The following ZNF37A variants were observed in gnomAD, a reference collection of about 807,000 sequenced individuals.
The protein encoded by ZNF37A is zinc finger protein 37a (KOX 21).
In ZNF37A, 10 loss-of-function variants were observed where a neutral mutation model predicts 12.3. That is an observed-to-expected ratio of 0.82 (90% CI 0.50 to 1.38). The LOEUF is 1.38. ZNF37A is among the 40% of genes most tolerant of loss of function. The probability of loss-of-function intolerance (pLI) is 0.00; values close to 1 mark genes in which losing one functional copy is unlikely to be tolerated. For synonymous variants in ZNF37A, 207 were observed against 223.0 expected, an observed-to-expected ratio of 0.93 and a Z score of 0.64; for missense variants, 580 against 651.2, an observed-to-expected ratio of 0.89 and a Z score of 1.19.
intron 7 of ZNF37A, chr10:38,143,708 G>T (rs1361598669): frequency 6.6e-6 from 1 of 152,236 alleles, no homozygotes; most frequent in Non-Finnish European, 1.5e-5. Flanking sequence ...CTCAGCCAGG[G>T]CTTTGACTTA....
exon 8 of ZNF37A, chr10:38,148,842 CT>C (rs11321196): frequency 0.46 from 67,436 of 146,686 alleles, 15,199 homozygotes; most frequent in East Asian, 0.54. Context: ...CTTTAATATT[CT>C]TTTTTTTTTT....
chr10:38,148,089 G>T (rs1021856355), exon 8 of ZNF37A: 1 of 152,232 alleles, frequency 6.6e-6, no homozygotes, highest in Non-Finnish European at 1.5e-5. Context: ...GATCTTGGAG[G>T]CATGGAATTG....
At chr10:38,097,816 A>C (rs2067271107) in intron 5 of ZNF37A, among the ~76,000 whole-genome samples, 1 of 152,092 alleles carries the variant, frequency 6.6e-6, no homozygotes, top group African/African-American at 2.4e-5. Context: ...TGAAATTCAC[A>C]ATTAAGCCAT....
chr10:38,094,542 G>C (rs1282934574), intron 1 of ZNF37A, 52 bp downstream of exon 1: 1 of 152,470 alleles, frequency 6.6e-6, no homozygotes, highest in East Asian at 1.9e-4. Flanking sequence ...CGCGCGGCCT[G>C]GGGGTGGGAG....
chr10:38,123,307 T>A lies in ZNF37A; in HGVS notation c.*4470T>A, dbSNP rs2069822054. 1 of 151,822 alleles carries A rather than the reference T, an allele frequency of 6.6e-6. No homozygotes were observed. The highest frequency in any genetic ancestry group is 2.1e-4 in the South Asian group (1 of 4,834). 9.4% of individuals were successfully genotyped at this position (151,822 alleles called of 1,614,324 possible). On this transcript the variant is annotated 3_prime_UTR_variant, in exon 8 of 8. Transcript: ENST00000685332. ...TACACCTACTTTGTACCCACAAAAA[T>A]TTAAAAATAAAGTTAATTTCAATGT... is the stretch of plus-strand genomic sequence containing the variant.
intron 5 of ZNF37A, among the ~76,000 whole-genome samples, chr10:38,099,305 C>A (rs1204438556): frequency 6.6e-6 from 1 of 152,174 alleles, no homozygotes; most frequent in East Asian, 1.9e-4. Context: ...TTGCCCCTGG[C>A]AACCACCATC....
In ZNF37A at chr10:38,119,065, T is replaced by C. The variant is rs2069530107; in HGVS notation, c.*228T>C. The C allele has an allele frequency of 8.2e-7, 1 of 1,217,080 alleles. No individual in the cohort carries two copies. The highest frequency in any genetic ancestry group is 4.0e-5 in the Admixed American group (1 of 24,994). The allele number at this position is 1,217,080 out of a possible 1,614,324, so 75.4% of individuals were successfully genotyped here. A position where few individuals can be genotyped will look rare whatever the true frequency, so the allele number is the denominator to read the frequency against. ...GAAAAAACTTATTGGTGAATGAATA[T>C]AGGAAACATTTTGCCCAATGCCACT... On this transcript the variant is annotated 3_prime_UTR_variant, in exon 8 of 8. Coordinates refer to ENST00000685332, the MANE Select transcript of ZNF37A (RefSeq NM_001324250.3).
At chr10:38,125,761 T>C (rs12244661), downstream of ZNF37A, among the ~76,000 whole-genome samples, 3,677 of 152,288 alleles carry the variant, frequency 0.024, 107 homozygotes, top group African/African-American at 0.075. Context: ...TAGACCATTC[T>C]TGCATTGCTA....
rs576577623 is a variant in ZNF37A at position 38,133,363 on chromosome 10, C to T, written c.239-13369C>T. 2.0e-5 allele frequency among the ~76,000 whole-genome samples: 3 copies of T among 152,206 alleles called. No individual in the cohort carries two copies. In the East Asian group the frequency reaches 5.8e-4, roughly 29 times the overall value. ...TAAGTTCTAGGGTACATGTGCACAACATGCAGGTTTGTTACATATGTATAC... is the reference window on the plus strand; with the variant it reads ...TAAGTTCTAGGGTACATGTGCACAATATGCAGGTTTGTTACATATGTATAC... On this transcript the variant is annotated intron_variant, in intron 7 of 7. Coordinates refer to the ZNF37A transcript ENST00000638053.
In ZNF37A at chr10:38,119,024, T is replaced by C. The variant is rs1198939665; in HGVS notation, c.*187T>C. The C allele has an allele frequency of 3.1e-6, 4 of 1,280,330 alleles. No homozygotes were observed. The highest frequency in any genetic ancestry group is 3.9e-6 in the Non-Finnish European group (4 of 1,015,018). The allele number at this position is 1,280,330 out of a possible 1,614,324, so 79.3% of individuals were successfully genotyped here. A position where few individuals can be genotyped will look rare whatever the true frequency, so the allele number is the denominator to read the frequency against. On this transcript the variant is annotated 3_prime_UTR_variant, in exon 8 of 8. Coordinates refer to ENST00000685332, the MANE Select transcript of ZNF37A (RefSeq NM_001324250.3). ...CTGGAATTTGGACCATACACTATGT[T>C]ACAAAACTAAAAGTGGAAAAAACTT...
At position 38,122,530 on chromosome 10, in the gene ZNF37A, C is replaced by T. The variant is rs1282916466; in HGVS notation, c.*3693C>T. On this transcript the variant is annotated 3_prime_UTR_variant, in exon 8 of 8. Transcript: ENST00000685332. ...TAGACAACCCAGAAACAAATTCATA[C>T]ATCTATGGTGACCACTTTTGACAAA... 6.6e-6 allele frequency: 1 copy of T among 152,170 alleles called. No individual in the cohort carries two copies. Among genetic ancestry groups the T allele is most frequent in the African/African-American group, 2.4e-5 (1 of 41,454 alleles). The allele number at this position is 152,170 out of a possible 1,614,324, so 9.4% of individuals were successfully genotyped here. A position where few individuals can be genotyped will look rare whatever the true frequency, so the allele number is the denominator to read the frequency against.
In ZNF37A at chr10:38,108,000, G is replaced by C. The variant is rs186500416; in HGVS notation, c.16-6755G>C. Among the ~76,000 whole-genome samples the C allele has an allele frequency of 3.2e-3, 488 of 152,236 alleles. 2 individuals are homozygous for C. The highest frequency in any genetic ancestry group is 5.6e-3 in the Non-Finnish European group (379 of 68,014). ...CTTTAACTCAGCTCTGGACCAAGCA[G>C]ACCTAATAGACATCTACAGAACTCT... On this transcript the variant is annotated intron_variant, in intron 5 of 7. Coordinates refer to ENST00000685332, the MANE Select transcript of ZNF37A (RefSeq NM_001324250.3).
rs943974338 is a variant in ZNF37A, at chr10:38,121,361, TA to T, written c.*2531del. The T allele has an allele frequency of 6.6e-6, 1 of 152,180 alleles. No homozygotes were observed. Among genetic ancestry groups the T allele is most frequent in the Non-Finnish European group, 1.5e-5 (1 of 68,026 alleles). 9.4% of individuals were successfully genotyped at this position (152,180 alleles called of 1,614,324 possible). On this transcript the variant is annotated 3_prime_UTR_variant, in exon 8 of 8. Coordinates refer to ENST00000685332, the MANE Select transcript of ZNF37A (RefSeq NM_001324250.3). The stretch of plus-strand genomic sequence containing the variant: ...AGGGCAATCAAAAGATTTATTATTT[TA>T]AAAAAATCAGTGTGGACTTCCATTC...
chr10:38,140,185 T>C (rs987406328), intron 7 of ZNF37A: 1 of 152,226 alleles, frequency 6.6e-6, no homozygotes, highest in Non-Finnish European at 1.5e-5. Context: ...TCTTTATTCT[T>C]TGCTTATTAA....
Position 38,117,377 on chromosome 10 carries a change from C to T in ZNF37A, c.239-13C>T, listed in dbSNP as rs780868484. On this transcript the variant is annotated splice_polypyrimidine_tract_variant and intron_variant, in intron 7 of 7. Coordinates refer to ENST00000685332, the MANE Select transcript of ZNF37A (RefSeq NM_001324250.3). ...CCTCGTCAACTAACCTTTCTTTTCACTCTGTATTTCAGAATTAATTAATAC... is the reference window on the plus strand; with the variant it reads ...CCTCGTCAACTAACCTTTCTTTTCATTCTGTATTTCAGAATTAATTAATAC... The T allele has an allele frequency of 5.2e-6, 8 of 1,541,204 alleles. No homozygotes were observed. The African/African-American group carries it at 1.1e-4, about 21-fold the overall frequency.
At chr10:38,098,094 C>T (rs1443695039) in intron 5 of ZNF37A, among the ~76,000 whole-genome samples, 1 of 152,168 alleles carries the variant, frequency 6.6e-6, no homozygotes, top group Non-Finnish European at 1.5e-5. Context: ...TCTGATCTCT[C>T]ACTTAGAATA....
exon 8 of ZNF37A, chr10:38,147,007 T>G (rs1328405428): frequency 5.6e-6 from 2 of 355,420 alleles, no homozygotes; most frequent in Non-Finnish European, 1.0e-5. Flanking sequence ...AACAAAGCAT[T>G]TTTAGCGAGG....
At chr10:38,100,475 C>G (rs2067476340) in intron 5 of ZNF37A, among the ~76,000 whole-genome samples, 1 of 152,178 alleles carries the variant, frequency 6.6e-6, no homozygotes, top group East Asian at 1.9e-4. Context: ...GGCCTATTCC[C>G]CCAGGCTTGT....
At chr10:38,134,968 C>A (rs1455667616) in intron 7 of ZNF37A, among the ~76,000 whole-genome samples, 1 of 152,136 alleles carries the variant, frequency 6.6e-6, no homozygotes, top group African/African-American at 2.4e-5. Flanking sequence ...ACTTTTGATT[C>A]TTATCTCACT....
Sources: allele counts gnomAD v4.1 joint callset (sites outside exome capture counted in the v4.1 genomes callset), GRCh38; gene constraint gnomAD v4.1.1; transcripts MANE v1.5; gene names NCBI Gene and HGNC (gene_info 2026-07-23, HGNC 2026-07-21).